Variants in HPSE2 observed in about 807,000 individuals in gnomAD.
HPSE2 encodes heparanase 2 (inactive).
In HPSE2, 38 loss-of-function variants were observed where a neutral mutation model predicts 60.5. The observed-to-expected ratio is 0.63, with a 90% CI of 0.48 to 0.82. The LOEUF is 0.82. Among genes scored for constraint, HPSE2 ranks in the 40% least tolerant of loss-of-function variants. The pLI, the probability that HPSE2 is intolerant of heterozygous loss-of-function variation, is 0.00. For synonymous variants in HPSE2, 295 were observed against 293.2 expected, an observed-to-expected ratio of 1.01 and a Z score of -0.06; for missense variants, 713 against 740.4, an observed-to-expected ratio of 0.96 and a Z score of 0.43.
At chr10:98,874,674 T>C (rs1046132188) in intron 3 of HPSE2, among the ~76,000 whole-genome samples, 3 of 152,048 alleles carry the variant, frequency 2.0e-5, no homozygotes, top group African/African-American at 4.8e-5. Context: ...AGAGAGGGCG[T>C]CTTTGTCTTG....
chr10:98,557,352 G>A (rs966209654), intron 9 of HPSE2, among the ~76,000 whole-genome samples: 1 of 152,144 alleles, frequency 6.6e-6, no homozygotes, highest in East Asian at 1.9e-4. Flanking sequence ...TGATGCCAAA[G>A]GCACCAATGC....
intron 9 of HPSE2, among the ~76,000 whole-genome samples, chr10:98,575,897 G>C (rs1200113143): frequency 6.6e-6 from 1 of 152,148 alleles, no homozygotes; most frequent in Non-Finnish European, 1.5e-5. Context: ...ATAAAGACAA[G>C]AGGTTATATT....
intron 3 of HPSE2, among the ~76,000 whole-genome samples, chr10:99,053,101 A>G (rs1958027760): frequency 6.6e-6 from 1 of 151,890 alleles, no homozygotes; most frequent in African/African-American, 2.4e-5. Context: ...AAAAATGGTT[A>G]TGATCATAAA....
chr10:98,589,992 T>C (rs1429287356), intron 9 of HPSE2, among the ~76,000 whole-genome samples: 1 of 152,198 alleles, frequency 6.6e-6, no homozygotes, highest in African/African-American at 2.4e-5. Flanking sequence ...CTTATGCTGA[T>C]AGGTTTAAAC....
chr10:98,943,614 C>A (rs930817704), intron 3 of HPSE2, among the ~76,000 whole-genome samples: 2 of 152,036 alleles, frequency 1.3e-5, no homozygotes, highest in African/African-American at 2.4e-5. Flanking sequence ...CTTATTTATT[C>A]TCTTACTTTC....
At chr10:98,967,530 C>T (rs1488139296) in intron 3 of HPSE2, among the ~76,000 whole-genome samples, 5 of 152,034 alleles carry the variant, frequency 3.3e-5, no homozygotes, top group African/African-American at 1.2e-4. Flanking sequence ...TATTTGGTTT[C>T]TCGATTGGAA....
chr10:98,989,888 G>T (rs920555877), intron 3 of HPSE2, among the ~76,000 whole-genome samples: 2 of 152,098 alleles, frequency 1.3e-5, no homozygotes, highest in African/African-American at 2.4e-5. Context: ...AGAGTCTTCT[G>T]CTGTCTCATC....
At chr10:98,673,882 C>A (rs1486845492) in intron 6 of HPSE2, among the ~76,000 whole-genome samples, 1 of 152,144 alleles carries the variant, frequency 6.6e-6, no homozygotes, top group Non-Finnish European at 1.5e-5. Context: ...AGCATACTTA[C>A]CCCATGGAGG....
chr10:99,283,553 A>T, the HPSE2 span, among the ~76,000 whole-genome samples: 1 of 151,998 alleles, frequency 6.6e-6, no homozygotes, highest in Admixed American at 6.5e-5. Context: ...GAAAATCAAC[A>T]ATATCAAAAA....
At chr10:98,876,389 G>T (rs181687153) in intron 3 of HPSE2, among the ~76,000 whole-genome samples, 1 of 151,710 alleles carries the variant, frequency 6.6e-6, no homozygotes, top group Non-Finnish European at 1.5e-5. Context: ...AAGAGGCAGC[G>T]CCTTCCAAAT....
intron 2 of HPSE2, among the ~76,000 whole-genome samples, chr10:99,146,933 G>C (rs1846079570): frequency 6.6e-6 from 1 of 152,182 alleles, no homozygotes; most frequent in Non-Finnish European, 1.5e-5. Flanking sequence ...AAAATGTAAA[G>C]AGCTTAAGTC....
intron 2 of HPSE2, among the ~76,000 whole-genome samples, chr10:99,186,409 G>A (rs1395851832): frequency 1.3e-5 from 2 of 151,850 alleles, no homozygotes; most frequent in Admixed American, 6.6e-5. Flanking sequence ...CAGGCGTGGT[G>A]TCAGGTGCCT....
chr10:99,170,793 G>C (rs574148713), intron 2 of HPSE2, among the ~76,000 whole-genome samples: 1 of 152,200 alleles, frequency 6.6e-6, no homozygotes, highest in African/African-American at 2.4e-5. Context: ...ACTGAGTACA[G>C]TCCGCCCTCT....
intron 10 of HPSE2, among the ~76,000 whole-genome samples, chr10:98,488,824 G>A (rs72838940): frequency 1.7e-4 from 26 of 152,316 alleles, no homozygotes; most frequent in Non-Finnish European, 3.1e-4. Flanking sequence ...TGAGCAAAAG[G>A]GATGTTGAAA....
intron 9 of HPSE2, among the ~76,000 whole-genome samples, chr10:98,582,922 C>T (rs1330988950): frequency 6.6e-6 from 1 of 152,114 alleles, no homozygotes; most frequent in Non-Finnish European, 1.5e-5. Flanking sequence ...CTGCCACCCC[C>T]AACCGTTTTC....
intron 2 of HPSE2, among the ~76,000 whole-genome samples, chr10:99,155,681 A>C (rs1383719750): frequency 1.7e-4 from 25 of 150,504 alleles, no homozygotes; most frequent in African/African-American, 6.1e-4. Context: ...CCCTAACATC[A>C]CAATTAAAAG....
chr10:98,465,804 T>G (rs1940503364), intron 11 of HPSE2, among the ~76,000 whole-genome samples: 1 of 152,248 alleles, frequency 6.6e-6, no homozygotes, highest in Non-Finnish European at 1.5e-5. Flanking sequence ...TTTCTCTTAA[T>G]TCCCTAGCTT....
intron 3 of HPSE2, among the ~76,000 whole-genome samples, chr10:99,082,798 T>C (rs922363548): frequency 1.3e-5 from 2 of 152,224 alleles, no homozygotes; most frequent in African/African-American, 2.4e-5. Context: ...TCGAGGAGTC[T>C]TGGAGTTCAT....
At chr10:98,922,968 T>G (rs1954327723) in intron 3 of HPSE2, among the ~76,000 whole-genome samples, 3 of 152,212 alleles carry the variant, frequency 2.0e-5, no homozygotes, top group Non-Finnish European at 4.4e-5. Flanking sequence ...TGTGTTTTTC[T>G]GTGTGCTTAC....
Sources: allele counts gnomAD v4.1 joint callset (sites outside exome capture counted in the v4.1 genomes callset), GRCh38; gene constraint gnomAD v4.1.1; transcripts MANE v1.5; gene names NCBI Gene and HGNC (gene_info 2026-07-23, HGNC 2026-07-21).